The following SPICE1 variants were observed in gnomAD, a reference collection of about 807,000 sequenced individuals.
SPICE1 encodes spindle and centriole-associated protein 1.
In SPICE1, 75 loss-of-function variants were observed where a neutral mutation model predicts 102.7. The observed-to-expected ratio is 0.73, with a 90% CI of 0.61 to 0.88. The LOEUF (loss-of-function observed/expected upper bound fraction) is 0.88. Ranked by LOEUF, SPICE1 falls within the 40% of genes least tolerant of loss-of-function variation. SPICE1 has a pLI of 0.00. For missense variants in SPICE1, 979 were observed against 1,020.1 expected, an observed-to-expected ratio of 0.96 and a Z score of 0.55; for synonymous variants, 308 against 350.3, an observed-to-expected ratio of 0.88 and a Z score of 1.35.
At chr3:113,471,612 T>C (rs1341179165) in intron 7 of SPICE1, among the ~76,000 whole-genome samples, 1 of 152,200 alleles carries the variant, frequency 6.6e-6, no homozygotes. Flanking sequence ...ATATTTAATA[T>C]ACTTAATTGT....
At chr3:113,500,833 A>G (rs376045333) in intron 3 of SPICE1, among the ~76,000 whole-genome samples, 14 of 152,312 alleles carry the variant, frequency 9.2e-5, no homozygotes, top group African/African-American at 3.1e-4. Context: ...GTACACAAAG[A>G]TGTATAAGAT....
At chr3:113,510,515 A>G (rs771503529) in intron 1 of SPICE1, among the ~76,000 whole-genome samples, 2 of 152,166 alleles carry the variant, frequency 1.3e-5, no homozygotes, top group Non-Finnish European at 2.9e-5. Context: ...AAAACAAGCA[A>G]TGGGGAAAGG....
chr3:113,492,754 A>G (rs574585868), intron 6 of SPICE1, among the ~76,000 whole-genome samples: 1 of 152,332 alleles, frequency 6.6e-6, no homozygotes, highest in South Asian at 2.1e-4. Context: ...GAGCCCACCC[A>G]GATATATTAA....
At chr3:113,452,130 C>G (rs951603109) in intron 14 of SPICE1, among the ~76,000 whole-genome samples, 1 of 152,176 alleles carries the variant, frequency 6.6e-6, no homozygotes, top group African/African-American at 2.4e-5. Flanking sequence ...CTCCCTATCT[C>G]CCCCAGAAAC....
At chr3:113,479,610 T>C (rs1936444877) in intron 7 of SPICE1, among the ~76,000 whole-genome samples, 1 of 152,184 alleles carries the variant, frequency 6.6e-6, no homozygotes, top group African/African-American at 2.4e-5. Context: ...AAAATGTTCC[T>C]ATTTCTCCAC....
At chr3:113,451,013 C>T (rs1188894134) in intron 14 of SPICE1, among the ~76,000 whole-genome samples, 1 of 152,218 alleles carries the variant, frequency 6.6e-6, no homozygotes, top group Non-Finnish European at 1.5e-5. Flanking sequence ...AGCAAAGAGA[C>T]TGCTCCAAGT....
intron 4 of SPICE1, 74 bp from the exon 5 acceptor site, chr3:113,494,216 A>T: frequency 5.8e-6 from 6 of 1,034,510 alleles, no homozygotes; most frequent in Non-Finnish European, 8.5e-6. Context: ...AAAAGACCAT[A>T]AAAAGGCCTG....
At chr3:113,447,479 C>A (rs1935545218) in intron 16 of SPICE1, among the ~76,000 whole-genome samples, 2 of 152,068 alleles carry the variant, frequency 1.3e-5, no homozygotes, top group Non-Finnish European at 2.9e-5. Context: ...TGACATGTAT[C>A]TGGCATTACA....
chr3:113,447,939 T>C (rs542060713), intron 16 of SPICE1, 99 bp downstream of exon 16: 155 of 1,079,356 alleles, frequency 1.4e-4, no homozygotes, highest in Non-Finnish European at 1.8e-4. Context: ...TCAACCTAAG[T>C]CAGATACTGT....
intron 12 of SPICE1, chr3:113,459,522 G>A: frequency 1.0e-6 from 1 of 984,486 alleles, no homozygotes; most frequent in Non-Finnish European, 1.2e-6. Flanking sequence ...ATAATTAAAA[G>A]CTTTCTCAGT....
chr3:113,506,643 G>GA, intron 1 of SPICE1, 38 bp from the exon 2 acceptor site: 1 of 1,471,580 alleles, frequency 6.8e-7, no homozygotes, highest in Non-Finnish European at 9.3e-7. Context: ...TAAAATACAA[G>GA]AAAAAACAAT....
At chr3:113,479,735 T>C (rs1343955788) in intron 7 of SPICE1, among the ~76,000 whole-genome samples, 1 of 152,164 alleles carries the variant, frequency 6.6e-6, no homozygotes, top group Non-Finnish European at 1.5e-5. Context: ...TACCAGAATG[T>C]ATGGTACACA....
chr3:113,500,882 T>C (rs192741941), intron 3 of SPICE1, among the ~76,000 whole-genome samples: 14 of 152,262 alleles, frequency 9.2e-5, no homozygotes, highest in African/African-American at 2.9e-4. Flanking sequence ...AATCTGCCCA[T>C]TGAGATTGGG....
chr3:113,507,562 C>A (rs1937137114), intron 1 of SPICE1, among the ~76,000 whole-genome samples: 1 of 151,928 alleles, frequency 6.6e-6, no homozygotes. Flanking sequence ...TGCCCTCAAT[C>A]TTCCTTGCAC....
intron 3 of SPICE1, among the ~76,000 whole-genome samples, chr3:113,500,165 G>A (rs1936981141): frequency 1.3e-5 from 2 of 152,148 alleles, no homozygotes; most frequent in South Asian, 2.1e-4. Flanking sequence ...GAAGAGATAC[G>A]CGCCACAGAT....
intron 2 of SPICE1, among the ~76,000 whole-genome samples, chr3:113,506,119 T>C (rs759173590): frequency 1.3e-5 from 2 of 152,198 alleles, no homozygotes; most frequent in Non-Finnish European, 2.9e-5. Context: ...ATGGTTATGA[T>C]ATCACTGGTT....
At chr3:113,510,698 TACAC>T (rs1404486709) in intron 1 of SPICE1, among the ~76,000 whole-genome samples, 1 of 152,146 alleles carries the variant, frequency 6.6e-6, no homozygotes, top group Non-Finnish European at 1.5e-5. Context: ...ATTCAGCACA[TACAC>T]ACAGGCAAAG....
intron 3 of SPICE1, among the ~76,000 whole-genome samples, chr3:113,500,470 T>C (rs545645916): frequency 6.6e-6 from 1 of 152,094 alleles, no homozygotes; most frequent in South Asian, 2.1e-4. Flanking sequence ...TTACAAATAA[T>C]TATATTTACT....
chr3:113,479,893 A>C lies in SPICE1; in HGVS notation c.611+9052T>G, dbSNP rs564762470. 5.8e-4 allele frequency among the ~76,000 whole-genome samples: 89 copies of C among 152,302 alleles called. 1 individual carries two copies. The highest frequency in any genetic ancestry group is 1.2e-3 in the Admixed American group (18 of 15,288). ...TGCACAACGAAGGAAATAAAGACAA[A>C]AGCAAAAATTGATGAGGAAGAAATC... On this transcript the variant is annotated intron_variant, in intron 7 of 17. Transcript: ENST00000295872.
Sources: allele counts gnomAD v4.1 joint callset (sites outside exome capture counted in the v4.1 genomes callset), GRCh38; gene constraint gnomAD v4.1.1; transcripts MANE v1.5; gene names NCBI Gene and HGNC (gene_info 2026-07-23, HGNC 2026-07-21).